Variants in MFSD6 observed in about 807,000 individuals in gnomAD.
MFSD6 encodes major facilitator superfamily domain containing 6.
In MFSD6, 26 loss-of-function variants were observed where a neutral mutation model predicts 56.3. That is an observed-to-expected ratio of 0.46 (90% CI 0.34 to 0.64). MFSD6 has a LOEUF of 0.64. Ranked by LOEUF, MFSD6 falls within the 30% of genes least tolerant of loss-of-function variation. The pLI is 0.01. For synonymous variants in MFSD6, 331 were observed against 366.9 expected (o/e 0.90, Z 1.12); for missense variants, 750 against 986.2 (o/e 0.76, Z 3.21).
rs984586709 is a variant in MFSD6 at position 190,497,941 on chromosome 2, T to A, written c.2172+222T>A. 1.6e-5 allele frequency: 7 copies of A among 428,530 alleles called. No individual in the cohort carries two copies. Among genetic ancestry groups the A allele is most frequent in the Non-Finnish European group, 2.9e-5 (7 of 242,512 alleles). 26.5% of individuals were successfully genotyped at this position (428,530 alleles called of 1,614,324 possible). On this transcript the variant is annotated intron_variant, in intron 7 of 7. Coordinates refer to ENST00000392328, the MANE Select transcript of MFSD6 (RefSeq NM_017694.4). The surrounding 1 kb of genome is among the most constrained non-coding windows in gnomAD (Gnocchi z 5.2). ...CTGCCTTATGGAGTTCAGGAAAACT[T>A]CAGAGGTTATGATTCTTTCACTTCT...
chr2:190,444,895 G>A (rs910081750), intron 3 of MFSD6: 27 of 831,516 alleles, frequency 3.2e-5, no homozygotes, highest in South Asian at 5.6e-5. Flanking sequence ...AAAAAGTGAC[G>A]TTAATCTTTT....
chr2:190,489,097 G>A lies in MFSD6; in HGVS notation c.1792+279G>A, dbSNP rs1689180365. 4.6e-5 allele frequency among the ~76,000 whole-genome samples: 7 copies of A among 152,178 alleles called. No individual in the cohort carries two copies. In the South Asian group the frequency reaches 1.4e-3, roughly 31 times the overall value. On this transcript the variant is annotated intron_variant, in intron 5 of 7. Transcript: ENST00000392328. The surrounding 1 kb of genome is among the most constrained non-coding windows in gnomAD (Gnocchi z 6.6). ...TCAAAGGAGCCAAACAAATGAATTA[G>A]CATGAGTGCTTTTGGTCTAAAATAA... is the stretch of plus-strand genomic sequence containing the variant.
intron 3 of MFSD6, among the ~76,000 whole-genome samples, chr2:190,440,830 A>G (rs1686346966): frequency 6.6e-6 from 1 of 152,200 alleles, no homozygotes; most frequent in Admixed American, 6.5e-5. Context: ...CAAATGAACT[A>G]GCCAGTCAGT....
At chr2:190,464,782 C>A in intron 3 of MFSD6, 1 of 318,064 alleles carries the variant, frequency 3.1e-6, no homozygotes, top group Non-Finnish European at 4.6e-6. Context: ...GGCTGTAAGT[C>A]CCTTGAAGAC....
At position 190,492,036 on chromosome 2, in the gene MFSD6, G is replaced by C. The variant is rs1286491121; in HGVS notation, c.1891+2170G>C. Among the ~76,000 whole-genome samples the C allele has an allele frequency of 2.0e-5, 3 of 152,160 alleles. No homozygotes were observed. The highest frequency in any genetic ancestry group is 7.2e-5 in the African/African-American group (3 of 41,438). ...AATGTTCTGGAAAGTCTCAGCAACA[G>C]AATCGAAGAAGCAGAAGAAAGAACT... On this transcript the variant is annotated intron_variant, in intron 6 of 7. Transcript: ENST00000392328. The surrounding 1 kb of genome is among the most constrained non-coding windows in gnomAD (Gnocchi z 5.2).
At chr2:190,422,739 A>G (rs1464692668) in intron 2 of MFSD6, among the ~76,000 whole-genome samples, 1 of 152,108 alleles carries the variant, frequency 6.6e-6, no homozygotes, top group Non-Finnish European at 1.5e-5. Context: ...GACAACTCTT[A>G]TCTTTCAGTT....
rs745349064 is a variant in MFSD6, at chr2:190,436,051, A to G, written c.22A>G (p.Ile8Val). MADDKVA[I>V]LTDDEEEQKR... is the part of the protein sequence containing the mutation. ...AGCCATGGCAGATGATAAAGTTGCTATCTTAACGGATGATGAAGAGGAACA... is the reference window on the plus strand; with the variant it reads ...AGCCATGGCAGATGATAAAGTTGCTGTCTTAACGGATGATGAAGAGGAACA... The change falls in exon 3 of 8, where the codon ATC becomes GTC. Residue 8 changes from isoleucine to valine, a missense_variant. Ile to Val is a conservative substitution (Grantham distance 29). This residue lies in a region of MFSD6 where 76 missense variants were observed against 101.9 expected (regional missense o/e 0.75). Coordinates refer to ENST00000392328, the MANE Select transcript of MFSD6 (RefSeq NM_017694.4). This position sits in a 1 kb window ranked among gnomAD's most constrained non-coding sequence, Gnocchi z 5.3. The G allele has an allele frequency of 5.6e-6, 9 of 1,613,024 alleles. No homozygotes were observed. In the South Asian group the frequency reaches 6.6e-5, roughly 12 times the overall value.
Position 190,471,738 on chromosome 2 carries a change from G to C in MFSD6, c.1630+1883G>C, listed in dbSNP as rs1474992776. ...AATGTCCCTGTCTGACAGCTTTGAAGACAGTAGTTCTCCCAGGACGCAGCT... is the reference window on the plus strand; with the variant it reads ...AATGTCCCTGTCTGACAGCTTTGAACACAGTAGTTCTCCCAGGACGCAGCT... On this transcript the variant is annotated intron_variant, in intron 4 of 7. Transcript: ENST00000392328. The surrounding 1 kb of genome is among the most constrained non-coding windows in gnomAD (Gnocchi z 4.7). Among the ~76,000 whole-genome samples the C allele has an allele frequency of 6.6e-6, 1 of 152,178 alleles. No homozygotes were observed. The highest frequency in any genetic ancestry group is 1.5e-5 in the Non-Finnish European group (1 of 68,026).
At chr2:190,442,554 C>T (rs562399152) in intron 3 of MFSD6, 3 of 151,922 alleles carry the variant, frequency 2.0e-5, no homozygotes, top group East Asian at 1.9e-4. Flanking sequence ...AAGTAAGAGA[C>T]GGTACAGGCC....
At position 190,424,111 on chromosome 2, in the gene MFSD6, T is replaced by G. The variant is rs908780494; in HGVS notation, c.-54+8698T>G. On this transcript the variant is annotated intron_variant, in intron 2 of 7. Coordinates refer to ENST00000392328, the MANE Select transcript of MFSD6 (RefSeq NM_017694.4). The surrounding 1 kb of genome is among the most constrained non-coding windows in gnomAD (Gnocchi z 5.9). ...GTGTTTTCATCCTCTTTGCAGAGTC[T>G]TTTAAAGAGCAAAAGTTTTAAATTT... Among the ~76,000 whole-genome samples the G allele has an allele frequency of 4.0e-4, 61 of 152,310 alleles. 1 individual carries two copies. Among genetic ancestry groups the G allele is most frequent in the African/African-American group, 1.3e-3 (56 of 41,580 alleles).
At chr2:190,421,855 G>A (rs943043151) in intron 2 of MFSD6, among the ~76,000 whole-genome samples, 4 of 151,984 alleles carry the variant, frequency 2.6e-5, no homozygotes, top group Admixed American at 2.6e-4. Flanking sequence ...TAAAATTCTT[G>A]TATCTGTATT....
intron 2 of MFSD6, among the ~76,000 whole-genome samples, chr2:190,430,705 T>C (rs1434812570): frequency 6.7e-6 from 1 of 148,240 alleles, no homozygotes; most frequent in East Asian, 2.0e-4. Context: ...TGGCCCGTTC[T>C]CAATGAGCTG....
At position 190,416,510 on chromosome 2, in the gene MFSD6, A is replaced by G. The variant is rs575070266; in HGVS notation, c.-54+1097A>G. ...ACAATAGTGTGTTCTCCAGTGAACC[A>G]GTGCCTCACAGGCCCCCATCAGGCT... On this transcript the variant is annotated intron_variant, in intron 2 of 7. Transcript: ENST00000392328. The surrounding 1 kb of genome is among the most constrained non-coding windows in gnomAD (Gnocchi z 4.1). 6.6e-6 allele frequency among the ~76,000 whole-genome samples: 1 copy of G among 152,360 alleles called. No homozygotes were observed. The highest frequency in any genetic ancestry group is 2.1e-4 in the South Asian group (1 of 4,828).
rs1174760660 is a variant in MFSD6, at chr2:190,490,535, C to T, written c.1891+669C>T. ...CCGAGATAGCACCACTGCAGTCCAG[C>T]CTGGGGGAACGAGCAAGACTCCCTC... On this transcript the variant is annotated intron_variant, in intron 6 of 7. Transcript: ENST00000392328. The surrounding 1 kb of genome is among the most constrained non-coding windows in gnomAD (Gnocchi z 4.5). Among the ~76,000 whole-genome samples the T allele has an allele frequency of 6.6e-6, 1 of 151,744 alleles. No homozygotes were observed. Among genetic ancestry groups the T allele is most frequent in the East Asian group, 1.9e-4 (1 of 5,178 alleles).
chr2:190,453,846 A>C (rs1372411365), intron 3 of MFSD6, among the ~76,000 whole-genome samples: 1 of 152,214 alleles, frequency 6.6e-6, no homozygotes, highest in Non-Finnish European at 1.5e-5. Context: ...AGTGCAATGT[A>C]AACTGAGAAA....
chr2:190,407,975 G>T (rs1010039285), upstream of MFSD6, among the ~76,000 whole-genome samples: 5 of 152,234 alleles, frequency 3.3e-5, no homozygotes, highest in Non-Finnish European at 5.9e-5. This position sits in a 1 kb window ranked among gnomAD's most constrained non-coding sequence, Gnocchi z 5.4. Flanking sequence ...GGGGTGCGGG[G>T]GGGTGGAGGG....
In MFSD6 at chr2:190,454,601, A is replaced by G. The variant is rs1289898370; in HGVS notation, c.1533-15157A>G. The G allele has an allele frequency of 1.3e-5, 2 of 152,108 alleles. No homozygotes were observed. Among genetic ancestry groups the G allele is most frequent in the African/African-American group, 4.8e-5 (2 of 41,402 alleles). 9.4% of individuals were successfully genotyped at this position (152,108 alleles called of 1,614,324 possible). A position where few individuals can be genotyped will look rare whatever the true frequency, so the allele number is the denominator to read the frequency against. On this transcript the variant is annotated intron_variant, in intron 3 of 7. Coordinates refer to ENST00000392328, the MANE Select transcript of MFSD6 (RefSeq NM_017694.4). This position sits in a 1 kb window ranked among gnomAD's most constrained non-coding sequence, Gnocchi z 4.6. ...GGACACTGTAAGAAGGTGGTCATCT[A>G]CAAGCCAGGAAGAGACCCCTCACCA... is the stretch of plus-strand genomic sequence containing the variant.
At chr2:190,477,364 C>G in intron 4 of MFSD6, 1 of 983,182 alleles carries the variant, frequency 1.0e-6, no homozygotes, top group African/African-American at 1.7e-5. Context: ...TGTGCAGACT[C>G]TATAAATAAA....
rs1388175098 is a variant in MFSD6, at chr2:190,423,046, C to T, written c.-54+7633C>T. Among the ~76,000 whole-genome samples the T allele has an allele frequency of 6.6e-6, 1 of 152,172 alleles. No individual in the cohort carries two copies. The highest frequency in any genetic ancestry group is 1.5e-5 in the Non-Finnish European group (1 of 68,024). On this transcript the variant is annotated intron_variant, in intron 2 of 7. Transcript: ENST00000392328. The surrounding 1 kb of genome is among the most constrained non-coding windows in gnomAD (Gnocchi z 4.3). ...TCACTATCTCCCTTAAGGGTAACCC[C>T]TATCCTAACTTCTTTTAAACTTTAT...
Sources: gnomAD v4.1 joint callset for allele counts (sites outside exome capture counted in the v4.1 genomes callset) on GRCh38, gnomAD v4.1.1 for gene constraint, gnomAD v4.1.1 regional missense constraint, Gnocchi (gnomAD v3.1) non-coding constraint, MANE v1.5 for transcripts, NCBI Gene and HGNC (gene_info 2026-07-23, HGNC 2026-07-21) for gene names.